The following ABLIM1 variants were observed in gnomAD, a reference collection of about 807,000 sequenced individuals.
ABLIM1 encodes the protein actin-binding LIM protein 1.
A neutral mutation model predicts 107.0 loss-of-function variants in ABLIM1; 40 were observed. That is an observed-to-expected ratio of 0.37 (90% CI 0.29 to 0.49). The LOEUF is 0.49. Among genes scored for constraint, ABLIM1 ranks in the 20% least tolerant of loss-of-function variants. The probability of loss-of-function intolerance (pLI) is 0.97; values close to 1 mark genes in which losing one functional copy is unlikely to be tolerated. For synonymous variants in ABLIM1, 357 were observed against 357.3 expected (o/e 1.00, Z 0.01); for missense variants, 857 against 1,008.5 (o/e 0.85, Z 2.04).
intron 8 of ABLIM1, among the ~76,000 whole-genome samples, chr10:114,481,405 T>C (rs932955083): frequency 8.6e-5 from 13 of 151,334 alleles, no homozygotes; most frequent in Non-Finnish European, 1.8e-4. Flanking sequence ...AATGATCTTA[T>C]GAACACTGAT....
intron 1 of ABLIM1, among the ~76,000 whole-genome samples, chr10:114,718,742 A>G (rs1257696911): frequency 6.6e-6 from 1 of 152,218 alleles, no homozygotes. Flanking sequence ...ATTTTTGCCC[A>G]AGACCTTCCA....
At chr10:114,441,849 A>G (rs2139197247) in intron 17 of ABLIM1, 63 bp from the exon 18 acceptor site, 1 of 1,434,898 alleles carries the variant, frequency 7.0e-7, no homozygotes, top group East Asian at 2.3e-5. Context: ...CCTTTAATGA[A>G]ATTGGCAGTA....
At chr10:114,618,715 C>T (rs1278665129) in intron 1 of ABLIM1, among the ~76,000 whole-genome samples, 1 of 152,268 alleles carries the variant, frequency 6.6e-6, no homozygotes, top group Non-Finnish European at 1.5e-5. Flanking sequence ...GTCTCCAATG[C>T]TGCTCCTGGT....
intron 1 of ABLIM1, among the ~76,000 whole-genome samples, chr10:114,608,179 A>C (rs2076553740): frequency 6.6e-6 from 1 of 152,214 alleles, no homozygotes. Flanking sequence ...AGCCTGGCCA[A>C]CATGGTAAGA....
At chr10:114,744,140 T>C (rs2082338743) in intron 1 of ABLIM1, among the ~76,000 whole-genome samples, 1 of 152,212 alleles carries the variant, frequency 6.6e-6, no homozygotes, top group Admixed American at 6.5e-5. Flanking sequence ...GGGAACACTC[T>C]CTAGGGAGAA....
intron 1 of ABLIM1, among the ~76,000 whole-genome samples, chr10:114,643,576 A>ATT (rs1214779180): frequency 1.4e-5 from 2 of 146,070 alleles, no homozygotes; most frequent in African/African-American, 5.2e-5. Flanking sequence ...TTATATCCAG[A>ATT]TTCTTTTTTT....
chr10:114,439,139 A>G, intron 21 of ABLIM1, 37 bp downstream of exon 21: 4 of 1,610,498 alleles, frequency 2.5e-6, no homozygotes, highest in Non-Finnish European at 3.4e-6. Flanking sequence ...GGGTTACGCC[A>G]TTCCCATATG....
intron 6 of ABLIM1, among the ~76,000 whole-genome samples, chr10:114,512,178 G>A (rs1280092582): frequency 6.6e-6 from 1 of 152,202 alleles, no homozygotes; most frequent in Non-Finnish European, 1.5e-5. Context: ...AAAGACAGGA[G>A]CCCAAACAAA....
At chr10:114,542,706 G>A (rs1273784261) in intron 6 of ABLIM1, among the ~76,000 whole-genome samples, 1 of 152,198 alleles carries the variant, frequency 6.6e-6, no homozygotes, top group Admixed American at 6.5e-5. Flanking sequence ...TCAAACTCAG[G>A]AATCCCAAGG....
At chr10:114,749,674 A>C (rs808311) in intron 1 of ABLIM1, among the ~76,000 whole-genome samples, 16,900 of 152,070 alleles carry the variant, frequency 0.11, 958 homozygotes, top group Middle Eastern at 0.15. Flanking sequence ...AAGGTGGTTC[A>C]CAAGATAGCA....
chr10:114,615,513 T>C (rs1174534203), intron 1 of ABLIM1: 61 of 456,686 alleles, frequency 1.3e-4, no homozygotes, highest in Non-Finnish European at 1.8e-4. Flanking sequence ...CTAAACATTC[T>C]ATTTCTTTTT....
chr10:114,670,365 T>C (rs2141377289), intron 1 of ABLIM1, among the ~76,000 whole-genome samples: 1 of 152,342 alleles, frequency 6.6e-6, no homozygotes, highest in Admixed American at 6.5e-5. Flanking sequence ...GTTTCTCCCA[T>C]TTCAATTTTT....
chr10:114,774,489 C>T, the ABLIM1 span, among the ~76,000 whole-genome samples: 1 of 152,166 alleles, frequency 6.6e-6, no homozygotes, highest in African/African-American at 2.4e-5. Context: ...GAAAGAGCTA[C>T]AGGAATCTAC....
At chr10:114,635,015 G>C (rs2078407854) in intron 1 of ABLIM1, among the ~76,000 whole-genome samples, 2 of 152,138 alleles carry the variant, frequency 1.3e-5, no homozygotes, top group Admixed American at 1.3e-4. Flanking sequence ...ACTACATCAA[G>C]AATAAAAATG....
At chr10:114,507,034 T>C (rs2061247483) in intron 6 of ABLIM1, among the ~76,000 whole-genome samples, 1 of 152,228 alleles carries the variant, frequency 6.6e-6, no homozygotes, top group Non-Finnish European at 1.5e-5. Flanking sequence ...GTTTTACAGA[T>C]GGTTCAGCTC....
chr10:114,713,917 C>T (rs980325528), intron 1 of ABLIM1, among the ~76,000 whole-genome samples: 9 of 152,148 alleles, frequency 5.9e-5, no homozygotes, highest in East Asian at 1.9e-4. Context: ...GAGACAAAAA[C>T]GGGAAGCTGA....
At chr10:114,492,835 CA>C (rs2059181634) in intron 6 of ABLIM1, among the ~76,000 whole-genome samples, 1 of 152,176 alleles carries the variant, frequency 6.6e-6, no homozygotes, top group Non-Finnish European at 1.5e-5. Flanking sequence ...AACAGGAAAT[CA>C]GATGTCACGT....
chr10:114,712,096 T>C (rs549609885), intron 1 of ABLIM1, among the ~76,000 whole-genome samples: 1 of 152,238 alleles, frequency 6.6e-6, no homozygotes, highest in South Asian at 2.1e-4. Context: ...CTCACACCTG[T>C]AATCCCAGCA....
intron 8 of ABLIM1, among the ~76,000 whole-genome samples, chr10:114,478,282 C>G (rs77000254): frequency 0.036 from 5,450 of 152,240 alleles, 295 homozygotes; most frequent in African/African-American, 0.12. Context: ...TTTTCAAAGT[C>G]AGGTGAACTG....
Sources: gnomAD v4.1 joint callset for allele counts (sites outside exome capture counted in the v4.1 genomes callset) on GRCh38, gnomAD v4.1.1 for gene constraint, MANE v1.5 for transcripts, NCBI Gene and HGNC (gene_info 2026-07-23, HGNC 2026-07-21) for gene names.